COL5A2: variants seen among roughly 807,000 people sequenced by gnomAD.
COL5A2 encodes the protein collagen type V alpha 2 chain, also known as collagen alpha-2(V) chain.
In COL5A2, 23 loss-of-function variants were observed where a neutral mutation model predicts 208.2. The observed-to-expected ratio is 0.11, with a 90% CI of 0.08 to 0.16. COL5A2 has a LOEUF of 0.16. Among genes scored for constraint, COL5A2 ranks in the 10% least tolerant of loss-of-function variants. The pLI is 1.00. For missense variants in COL5A2, 1,590 were observed against 1,956.4 expected (o/e 0.81, Z 3.53); for synonymous variants, 625 against 628.5 (o/e 0.99, Z 0.08).
chr2:189,051,913 T>C (rs1685797841), intron 41 of COL5A2, among the ~76,000 whole-genome samples: 1 of 152,196 alleles, frequency 6.6e-6, no homozygotes, highest in Non-Finnish European at 1.5e-5. Context: ...CATAATACTG[T>C]AAGTATTCAG....
the COL5A2 span, among the ~76,000 whole-genome samples, chr2:189,357,452 G>A: frequency 8.7e-4 from 132 of 152,226 alleles, 1 homozygote; most frequent in African/African-American, 3.0e-3. Flanking sequence ...TGGCTGCAGC[G>A]GCCTTGCTGA....
At chr2:189,045,980 T>C in intron 45 of COL5A2, 73 bp from the exon 46 acceptor site, 1 of 1,313,986 alleles carries the variant, frequency 7.6e-7, no homozygotes, top group Non-Finnish European at 1.1e-6. Context: ...GTTCATGTTA[T>C]TCTTATAGTA....
At chr2:189,351,867 G>A in the COL5A2 span, among the ~76,000 whole-genome samples, 1 of 152,058 alleles carries the variant, frequency 6.6e-6, no homozygotes, top group African/African-American at 2.4e-5. Context: ...ATGCAGGTTT[G>A]TTACATAGGT....
At chr2:189,365,791 T>C in the COL5A2 span, among the ~76,000 whole-genome samples, 3 of 152,236 alleles carry the variant, frequency 2.0e-5, no homozygotes, top group Non-Finnish European at 2.9e-5. Flanking sequence ...TATGGATTGA[T>C]GGTTTGCATC....
At chr2:189,315,496 AG>A in the COL5A2 span, among the ~76,000 whole-genome samples, 65 of 152,310 alleles carry the variant, frequency 4.3e-4, 1 homozygote, top group African/African-American at 1.5e-3. Context: ...GGCAAAAGCT[AG>A]AAGCATTCCT....
upstream of COL5A2, among the ~76,000 whole-genome samples, chr2:189,181,537 C>T (rs750182529): frequency 7.9e-5 from 12 of 152,160 alleles, no homozygotes; most frequent in Non-Finnish European, 1.5e-4. Context: ...TCTGAGCTTG[C>T]CAGTCCTATT....
chr2:189,342,565 A>G, the COL5A2 span, among the ~76,000 whole-genome samples: 75 of 150,680 alleles, frequency 5.0e-4, no homozygotes, highest in South Asian at 7.5e-3. Flanking sequence ...ATGAAAGCAA[A>G]AACAAACAAA....
chr2:189,100,742 G>GA (rs1028019512), intron 3 of COL5A2, among the ~76,000 whole-genome samples: 6 of 150,938 alleles, frequency 4.0e-5, no homozygotes, highest in South Asian at 4.2e-4. Flanking sequence ...GAAAATCTAG[G>GA]AAAAAAAATC....
chr2:189,219,263 T>C (rs553340365), intron 1 of COL5A2, among the ~76,000 whole-genome samples: 52 of 152,310 alleles, frequency 3.4e-4, no homozygotes, highest in African/African-American at 1.2e-3. Flanking sequence ...AAAATCCATA[T>C]GTAACAGGAA....
intron 1 of COL5A2, among the ~76,000 whole-genome samples, chr2:189,113,515 AT>A (rs1243782385): frequency 2.0e-5 from 3 of 150,750 alleles, no homozygotes; most frequent in Non-Finnish European, 4.4e-5. Flanking sequence ...TATATATATT[AT>A]ATATGTTACA....
intron 51 of COL5A2, 89 bp from the exon 52 acceptor site, chr2:189,036,892 T>C (rs1031824837): frequency 5.0e-5 from 52 of 1,039,090 alleles, no homozygotes; most frequent in Non-Finnish European, 6.9e-5. Context: ...GGTTTGAAAA[T>C]ATACACTCAC....
intron 1 of COL5A2, among the ~76,000 whole-genome samples, chr2:189,112,775 T>A (rs1433577690): frequency 1.3e-5 from 2 of 152,200 alleles, no homozygotes; most frequent in East Asian, 3.8e-4. Context: ...AATATGCTTT[T>A]CTGGAAGATT....
chr2:189,158,758 C>T (rs570609000), intron 1 of COL5A2, among the ~76,000 whole-genome samples: 1 of 152,212 alleles, frequency 6.6e-6, no homozygotes, highest in East Asian at 1.9e-4. Flanking sequence ...TGAAATCTTT[C>T]ACTCATTTCC....
intron 1 of COL5A2, among the ~76,000 whole-genome samples, chr2:189,175,998 A>G (rs552638396): frequency 2.4e-4 from 37 of 152,234 alleles, no homozygotes; most frequent in Non-Finnish European, 4.0e-4. Context: ...ATCTTAAGCT[A>G]TGTATACATA....
At chr2:189,370,964 C>T in the COL5A2 span, among the ~76,000 whole-genome samples, 12 of 152,176 alleles carry the variant, frequency 7.9e-5, no homozygotes, top group East Asian at 1.9e-3. Context: ...GGAGGTGGGG[C>T]CTGGTGGGAA....
intron 7 of COL5A2, among the ~76,000 whole-genome samples, chr2:189,091,432 A>T (rs1686782362): frequency 6.6e-6 from 1 of 152,174 alleles, no homozygotes; most frequent in Admixed American, 6.5e-5. Context: ...TACCATAGCA[A>T]TTCCAGGCTT....
At chr2:189,366,957 G>A in the COL5A2 span, among the ~76,000 whole-genome samples, 7 of 152,100 alleles carry the variant, frequency 4.6e-5, no homozygotes, top group Admixed American at 1.3e-4. Flanking sequence ...TCCTCCACCA[G>A]AAACTCTCCC....
At chr2:189,334,548 A>T in the COL5A2 span, among the ~76,000 whole-genome samples, 6 of 152,018 alleles carry the variant, frequency 3.9e-5, no homozygotes, top group South Asian at 2.1e-4. Flanking sequence ...CAAGATCTTT[A>T]TTAAAAAAAT....
intron 31 of COL5A2, 91 bp downstream of exon 31, chr2:189,060,639 T>C (rs1429865085): frequency 4.6e-6 from 5 of 1,082,840 alleles, no homozygotes; most frequent in Non-Finnish European, 7.1e-6. Context: ...ATAATGTATG[T>C]AAAGGAAAGC....
Sources: gnomAD v4.1 joint callset for allele counts (sites outside exome capture counted in the v4.1 genomes callset) on GRCh38, gnomAD v4.1.1 for gene constraint, MANE v1.5 for transcripts, NCBI Gene and HGNC (gene_info 2026-07-23, HGNC 2026-07-21) for gene names.